FDPS: variants seen among roughly 807,000 people sequenced by gnomAD.
FDPS encodes the protein farnesyl diphosphate synthase.
In FDPS, 29 loss-of-function variants were observed where a neutral mutation model predicts 49.5. The observed-to-expected ratio is 0.59, with a 90% CI of 0.44 to 0.80. The LOEUF (loss-of-function observed/expected upper bound fraction) is 0.80. Ranked by LOEUF, FDPS falls within the 30% of genes least tolerant of loss-of-function variation. FDPS has a pLI of 0.00. For missense variants in FDPS, 414 were observed against 525.6 expected (o/e 0.79, Z 2.08); for synonymous variants, 172 against 206.4 (o/e 0.83, Z 1.43).
rs954372337 is a variant in FDPS, at chr1:155,318,442, T to C, written c.684+151T>C. On this transcript the variant is annotated intron_variant, in intron 6 of 10. Coordinates refer to ENST00000368356, the MANE Select transcript of FDPS (RefSeq NM_002004.4). This position sits in a 1 kb window ranked among gnomAD's most constrained non-coding sequence, Gnocchi z 4.2. ...GGAAGGGTGTTGGGAAGTGGGGTTG[T>C]GGTAGTGGCAAGAAAGGGCTTCTCT... The C allele has an allele frequency of 2.9e-6, 3 of 1,042,952 alleles. No homozygotes were observed. In the African/African-American group the frequency reaches 4.7e-5, roughly 17 times the overall value. 64.6% of individuals were successfully genotyped at this position (1,042,952 alleles called of 1,614,324 possible).
chr1:155,320,630 G>T lies in FDPS; in HGVS notation c.*21G>T. 6.2e-7 allele frequency: 1 copy of T among 1,612,840 alleles called. No individual in the cohort carries two copies. The highest frequency in any genetic ancestry group is 8.5e-7 in the Non-Finnish European group (1 of 1,178,826). On this transcript the variant is annotated 3_prime_UTR_variant, in exon 11 of 11. Transcript: ENST00000368356. ...AGTGACCTAGAGATTGCAAGGGCGG[G>T]GAGAGGAGGCTCTCAATAAATAATC...
intron 3 of FDPS, among the ~76,000 whole-genome samples, 174 bp from the exon 4 acceptor site, chr1:155,312,081 A>C (rs1248406883): frequency 1.3e-5 from 2 of 152,252 alleles, no homozygotes; most frequent in African/African-American, 4.8e-5. Context: ...GCTTTGCTCC[A>C]GAAATTTGGG....
At chr1:155,313,950 C>G (rs1428913579) in intron 4 of FDPS, among the ~76,000 whole-genome samples, 1 of 151,738 alleles carries the variant, frequency 6.6e-6, no homozygotes, top group African/African-American at 2.4e-5. Context: ...TCCTAAGTAG[C>G]TGGGATTATA....
rs1553233424 is a variant in FDPS, at chr1:155,311,975, A to AAATAAAT, written c.340-278_340-277insTAAATAA. ...TAACAGAGAGAGAATTCATCTCAAA[A>AAATAAAT]AAATAAATAAATAAATAAATAAATA... is the stretch of plus-strand genomic sequence containing the variant. On this transcript the variant is annotated intron_variant, in intron 3 of 10. Coordinates refer to ENST00000368356, the MANE Select transcript of FDPS (RefSeq NM_002004.4). Among the ~76,000 whole-genome samples the AAATAAAT allele has an allele frequency of 5.9e-3, 903 of 152,040 alleles. 10 individuals are homozygous for AAATAAAT. Among genetic ancestry groups the AAATAAAT allele is most frequent in the African/African-American group, 0.021 (878 of 41,402 alleles).
chr1:155,315,021 C>A (rs1649173327), intron 4 of FDPS, among the ~76,000 whole-genome samples: 2 of 152,072 alleles, frequency 1.3e-5, no homozygotes, highest in Non-Finnish European at 2.9e-5. Context: ...TAAACATGTG[C>A]CTTTGATGTG....
At position 155,309,796 on chromosome 1, in the gene FDPS, CT is replaced by C; in HGVS notation, c.8del (p.Leu3ArgfsTer5). 1.3e-6 allele frequency: 2 copies of C among 1,552,288 alleles called. No individual in the cohort carries two copies. The highest frequency in any genetic ancestry group is 1.8e-6 in the Non-Finnish European group (2 of 1,142,280). The part of the protein sequence containing the change: MP[L>X]SRWLRSVGVF... ...TCCCTATGCCACTCCCAGGATGCCC[CT>C]GTCCCGCTGGTTGAGATCTGTGGGG... On this transcript the variant is annotated frameshift_variant, in exon 2 of 11. Transcript: ENST00000368356. LOFTEE classifies it high-confidence loss of function.
At position 155,314,389 on chromosome 1, in the gene FDPS, G is replaced by A. The variant is rs1161812626; in HGVS notation, c.480+1994G>A. On this transcript the variant is annotated intron_variant, in intron 4 of 10. Coordinates refer to ENST00000368356, the MANE Select transcript of FDPS (RefSeq NM_002004.4). ...AGACTAGGTTTCACCATGTTGCTGA[G>A]GCTGGTCTTGAACTTGTGGCATCGA... 5.3e-5 allele frequency among the ~76,000 whole-genome samples: 8 copies of A among 151,248 alleles called. No homozygotes were observed. In the Admixed American group the frequency reaches 5.3e-4, roughly 10 times the overall value.
Position 155,312,370 on chromosome 1 carries a change from G to C in FDPS, c.455G>C (p.Trp152Ser). The C allele has an allele frequency of 6.2e-7, 1 of 1,614,092 alleles. No individual in the cohort carries two copies. The highest frequency in any genetic ancestry group is 8.5e-7 in the Non-Finnish European group (1 of 1,180,012). Residue 152 changes from tryptophan to serine, a missense_variant, in exon 4 of 11, where the codon TGG becomes TCG. Transcript: ENST00000368356. ...KQDADSLQRA[W>S]TVGWCVELLQ... is the part of the protein sequence containing the mutation. ...GATGCTGATAGTCTCCAGCGGGCCT[G>C]GACTGTGGGCTGGTGTGTGGAACTG...
chr1:155,311,110 G>C (rs1002812807), intron 3 of FDPS, among the ~76,000 whole-genome samples: 10 of 151,968 alleles, frequency 6.6e-5, no homozygotes, highest in Non-Finnish European at 2.9e-5. Context: ...AGGCTGAGGT[G>C]GGGGGGATCA....
chr1:155,316,513 C>G (rs913798406), intron 4 of FDPS, among the ~76,000 whole-genome samples: 3 of 152,106 alleles, frequency 2.0e-5, no homozygotes, highest in African/African-American at 4.8e-5. Context: ...CACGATGGCT[C>G]ACGCCTGTAA....
Position 155,318,278 on chromosome 1 carries a change from A to G in FDPS, c.671A>G (p.Glu224Gly), listed in dbSNP as rs1040919554. Residue 224 changes from glutamate to glycine, a missense_variant, in exon 6 of 11, where the codon GAG (glutamate) becomes GGG (glycine). Transcript: ENST00000368356. This position sits in a 1 kb window ranked among gnomAD's most constrained non-coding sequence, Gnocchi z 4.2. ...REQPYYLNLI[E>G]LFLQSSYQTE... ...CAGCCCTATTACCTGAACCTGATCG[A>G]GCTCTTCCTGCAGGTGTATTGCAGA... The G allele has an allele frequency of 6.2e-7, 1 of 1,612,178 alleles. No homozygotes were observed. Among genetic ancestry groups the G allele is most frequent in the Admixed American group, 1.7e-5 (1 of 60,018 alleles).
At chr1:155,314,082 G>A (rs901499029) in intron 4 of FDPS, among the ~76,000 whole-genome samples, 1 of 152,100 alleles carries the variant, frequency 6.6e-6, no homozygotes. Flanking sequence ...CTCCTAAAGC[G>A]CTGGGATTAC....
intron 10 of FDPS, 183 bp downstream of exon 10, chr1:155,320,111 A>T: frequency 5.5e-6 from 4 of 725,014 alleles, no homozygotes; most frequent in Non-Finnish European, 9.1e-6. Context: ...GGAGCCAAAG[A>T]TGTTGCCAAA....
chr1:155,320,500 A>G lies in FDPS; in HGVS notation c.1151A>G (p.Glu384Gly). 1 of 1,614,000 alleles carries G rather than the reference A, an allele frequency of 6.2e-7. No homozygotes were observed. Among genetic ancestry groups the G allele is most frequent in the Non-Finnish European group, 8.5e-7 (1 of 1,180,016 alleles). The change falls in exon 11 of 11, where the codon GAG (glutamate) becomes GGG (glycine). Residue 384 changes from glutamate to glycine, a missense_variant. Transcript: ENST00000368356. ...CTGCCAGCAGTGTTCTTGCAATATG[A>G]GGAAGACAGTTACAGCCACATTATG... Reference protein sequence around the residue: ...LDLPAVFLQYEEDSYSHIMAL... With the variant: ...LDLPAVFLQYGEDSYSHIMAL...
chr1:155,311,980 A>AAAT (rs1157692295), intron 3 of FDPS, among the ~76,000 whole-genome samples: 2 of 152,026 alleles, frequency 1.3e-5, no homozygotes, highest in African/African-American at 4.8e-5. Flanking sequence ...TCAAAAAAAT[A>AAAT]AATAAATAAA....
chr1:155,313,896 G>A (rs1427200805), intron 4 of FDPS, among the ~76,000 whole-genome samples: 1 of 151,902 alleles, frequency 6.6e-6, no homozygotes, highest in African/African-American at 2.4e-5. Context: ...TTGGCTCACT[G>A]CAACCTCTGC....
intron 2 of FDPS, 39 bp downstream of exon 2, chr1:155,310,004 C>T: frequency 1.9e-6 from 3 of 1,611,562 alleles, no homozygotes; most frequent in Non-Finnish European, 2.5e-6. Flanking sequence ...GGGAGGGGAG[C>T]AGCTGATCAG....
chr1:155,309,964 C>T lies in FDPS; in HGVS notation c.175C>T (p.Arg59Ter), dbSNP rs1557972820. 1 of 1,607,686 alleles carries T rather than the reference C, an allele frequency of 6.2e-7. No individual in the cohort carries two copies. Among genetic ancestry groups the T allele is most frequent in the Middle Eastern group, 1.9e-4 (1 of 5,400 alleles). The change falls in exon 2 of 11, where the codon CGA becomes TGA. Residue 59 changes from arginine to a stop codon, truncating the protein, a stop_gained and splice_region_variant. Coordinates refer to ENST00000368356, the MANE Select transcript of FDPS (RefSeq NM_002004.4). LOFTEE classifies it high-confidence loss of function. ...GTGCCAAGCGTGGACAGAGGAACCTCGGTGAGTGTGGTTGGGGTGAGGGGC... is the reference window on the plus strand; with the variant it reads ...GTGCCAAGCGTGGACAGAGGAACCTTGGTGAGTGTGGTTGGGGTGAGGGGC... ...CWCQAWTEEP[R>*]ALCSSLRMNG...
intron 10 of FDPS, 28 bp downstream of exon 10, chr1:155,319,956 G>C: frequency 6.2e-7 from 1 of 1,611,778 alleles, no homozygotes; most frequent in Non-Finnish European, 8.5e-7. Context: ...GTGGGTCCCT[G>C]AGTTGGTGGA....
Sources: gnomAD v4.1 joint callset for allele counts (sites outside exome capture counted in the v4.1 genomes callset) on GRCh38, gnomAD v4.1.1 for gene constraint, Gnocchi (gnomAD v3.1) non-coding constraint, MANE v1.5 for transcripts, NCBI Gene and HGNC (gene_info 2026-07-23, HGNC 2026-07-21) for gene names.